RABGAP1L: variants seen among roughly 807,000 people sequenced by gnomAD.
RABGAP1L encodes the protein RAB GTPase activating protein 1 like.
A neutral mutation model predicts 137.7 loss-of-function variants in RABGAP1L; 63 were observed. That is an observed-to-expected ratio of 0.46 (90% confidence interval 0.37 to 0.56). The LOEUF (loss-of-function observed/expected upper bound fraction) is 0.56, where lower values mean the gene tolerates loss of function less well. Ranked by LOEUF, RABGAP1L falls within the 20% of genes least tolerant of loss-of-function variation. The pLI, the probability that RABGAP1L is intolerant of heterozygous loss-of-function variation, is 0.00. For synonymous variants in RABGAP1L, 431 were observed against 433.7 expected (o/e 0.99, Z 0.08); for missense variants, 1,095 against 1,244.0 (o/e 0.88, Z 1.80).
At chr1:174,614,644 G>A (rs966885205) in intron 13 of RABGAP1L, among the ~76,000 whole-genome samples, 1 of 152,202 alleles carries the variant, frequency 6.6e-6, no homozygotes, top group Admixed American at 6.5e-5. Context: ...GATTGGGGAA[G>A]TTCTCCTGAA....
At chr1:174,601,995 T>A (rs1233810529) in intron 13 of RABGAP1L, among the ~76,000 whole-genome samples, 1 of 152,186 alleles carries the variant, frequency 6.6e-6, no homozygotes, top group African/African-American at 2.4e-5. Flanking sequence ...CTCTCAGGCT[T>A]TTGGTCAAAG....
At chr1:174,669,753 T>C (rs552463184) in intron 14 of RABGAP1L, among the ~76,000 whole-genome samples, 83 of 152,348 alleles carry the variant, frequency 5.4e-4, no homozygotes, top group African/African-American at 1.9e-3. Context: ...CCACATTGTA[T>C]GTTCTTAGTA....
In RABGAP1L at chr1:174,756,339, G is replaced by A. The variant is rs1684754409; in HGVS notation, c.2211+3985G>A. Among the ~76,000 whole-genome samples, 3 of 152,048 alleles carry A rather than the reference G, an allele frequency of 2.0e-5. No individual in the cohort carries two copies. In the South Asian group the frequency reaches 6.2e-4, roughly 32 times the overall value. On this transcript the variant is annotated intron_variant, in intron 18 of 25. Transcript: ENST00000681986. ...TAAATTTTGTATTTTTAGTAGAGAC[G>A]GGGTTTCACCATGTTGGCCAGGCTG... is the stretch of plus-strand genomic sequence containing the variant.
intron 19 of RABGAP1L, among the ~76,000 whole-genome samples, chr1:174,824,053 G>A (rs1002041871): frequency 6.6e-6 from 1 of 152,172 alleles, no homozygotes; most frequent in African/African-American, 2.4e-5. Context: ...ACTTCGGGAA[G>A]CCAAGGTGGG....
chr1:174,187,508 C>T (rs1364633550), intron 1 of RABGAP1L, among the ~76,000 whole-genome samples: 3 of 151,930 alleles, frequency 2.0e-5, no homozygotes, highest in Non-Finnish European at 4.4e-5. Flanking sequence ...TAAAATGCCA[C>T]TTAGTCATCT....
intron 19 of RABGAP1L, among the ~76,000 whole-genome samples, chr1:174,951,744 A>T (rs369356518): frequency 6.6e-6 from 1 of 152,168 alleles, no homozygotes; most frequent in Non-Finnish European, 1.5e-5. Context: ...CGCTACTGAC[A>T]TTTAATAGGT....
intron 11 of RABGAP1L, among the ~76,000 whole-genome samples, chr1:174,341,336 T>G (rs1681955112): frequency 6.6e-6 from 1 of 152,202 alleles, no homozygotes; most frequent in Non-Finnish European, 1.5e-5. Flanking sequence ...TTACAAAATG[T>G]TGCTTGAAAG....
chr1:174,569,333 C>T (rs770330574), intron 13 of RABGAP1L, among the ~76,000 whole-genome samples: 6 of 152,128 alleles, frequency 3.9e-5, no homozygotes, highest in Non-Finnish European at 8.8e-5. Context: ...CCTTATTCTG[C>T]CTTCCTCCTG....
chr1:174,333,822 T>G (rs1681247565), intron 11 of RABGAP1L, among the ~76,000 whole-genome samples: 1 of 152,166 alleles, frequency 6.6e-6, no homozygotes, highest in Non-Finnish European at 1.5e-5. Context: ...AACCCTATGT[T>G]TCCACAGTAT....
At chr1:174,270,440 T>TAGG (rs1201879969) in intron 7 of RABGAP1L, among the ~76,000 whole-genome samples, 4 of 151,960 alleles carry the variant, frequency 2.6e-5, no homozygotes, top group African/African-American at 9.7e-5. Context: ...TTACAAAAGG[T>TAGG]AGGAGGGTGG....
intron 12 of RABGAP1L, among the ~76,000 whole-genome samples, chr1:174,386,943 G>C (rs919477554): frequency 6.6e-6 from 1 of 152,162 alleles, no homozygotes; most frequent in Non-Finnish European, 1.5e-5. Context: ...TGGCAGTATG[G>C]TGGGTAAGAA....
intron 19 of RABGAP1L, among the ~76,000 whole-genome samples, chr1:174,952,086 G>A (rs370433203): frequency 1.3e-5 from 2 of 152,110 alleles, no homozygotes; most frequent in East Asian, 1.9e-4. Context: ...TTATTTAAGA[G>A]TTCTATTATT....
chr1:174,988,854 AAAG>A lies in RABGAP1L; in HGVS notation c.3003+19_3003+21del. 1.3e-6 allele frequency: 2 copies of A among 1,528,572 alleles called. No homozygotes were observed. Among genetic ancestry groups the A allele is most frequent in the Non-Finnish European group, 1.8e-6 (2 of 1,136,652 alleles). The allele number at this position is 1,528,572 out of a possible 1,614,324, so 94.7% of individuals were successfully genotyped here. A position where few individuals can be genotyped will look rare whatever the true frequency, so the allele number is the denominator to read the frequency against. ...TAAAATTCAGGTTGGTGATTTGATAAAAGAACAAGAAGAAAGAATAAACAATTA... is the reference window on the plus strand; with the variant it reads ...TAAAATTCAGGTTGGTGATTTGATAAAACAAGAAGAAAGAATAAACAATTA... On this transcript the variant is annotated intron_variant, in intron 25 of 25. Coordinates refer to ENST00000681986, the MANE Select transcript of RABGAP1L (RefSeq NM_001366446.1).
At chr1:174,438,735 T>A (rs1243376137) in intron 13 of RABGAP1L, among the ~76,000 whole-genome samples, 1 of 110,860 alleles carries the variant, frequency 9.0e-6, no homozygotes, top group Non-Finnish European at 1.7e-5. Context: ...CCAAAAAAAG[T>A]GTGTGTGTGT....
intron 22 of RABGAP1L, among the ~76,000 whole-genome samples, 167 bp from the exon 23 acceptor site, chr1:174,978,640 G>A (rs909256301): frequency 3.3e-5 from 5 of 152,148 alleles, no homozygotes; most frequent in African/African-American, 1.2e-4. Flanking sequence ...CTCTGGAGAT[G>A]ATTGACTTTT....
intron 19 of RABGAP1L, among the ~76,000 whole-genome samples, chr1:174,942,295 G>A (rs551666650): frequency 4.4e-4 from 67 of 152,246 alleles, no homozygotes; most frequent in Non-Finnish European, 7.8e-4. Flanking sequence ...AGATAATAAA[G>A]AAGGACAAAT....
chr1:174,668,661 A>G (rs1676956790), intron 14 of RABGAP1L, among the ~76,000 whole-genome samples: 1 of 152,082 alleles, frequency 6.6e-6, no homozygotes, highest in South Asian at 2.1e-4. Flanking sequence ...GGTAGTTCGA[A>G]TTTTAATTTT....
At chr1:174,580,351 A>G (rs1668646122) in intron 13 of RABGAP1L, among the ~76,000 whole-genome samples, 1 of 152,202 alleles carries the variant, frequency 6.6e-6, no homozygotes, top group South Asian at 2.1e-4. Flanking sequence ...TTGCGGCACT[A>G]TTCACAATAG....
intron 17 of RABGAP1L, among the ~76,000 whole-genome samples, chr1:174,726,822 C>T (rs376403994): frequency 6.6e-5 from 10 of 152,066 alleles, no homozygotes; most frequent in East Asian, 1.9e-4. Flanking sequence ...TAGTGTGGCC[C>T]GTTTGAAACT....
Sources: gnomAD v4.1 joint callset for allele counts (sites outside exome capture counted in the v4.1 genomes callset) on GRCh38, gnomAD v4.1.1 for gene constraint, MANE v1.5 for transcripts, NCBI Gene and HGNC (gene_info 2026-07-23, HGNC 2026-07-21) for gene names.